NBEAL1: variants seen among roughly 807,000 people sequenced by gnomAD.
NBEAL1 encodes the protein neurobeachin like 1, also known as neurobeachin-like protein 1.
Under a neutral mutation model 351.3 loss-of-function variants are expected in NBEAL1, and 273 were observed. That is an observed-to-expected ratio of 0.78 (90% CI 0.70 to 0.86). The LOEUF is 0.86. Among genes scored for constraint, NBEAL1 ranks in the 40% least tolerant of loss-of-function variants. NBEAL1 has a pLI of 0.00. For synonymous variants in NBEAL1, 1,050 were observed against 1,086.4 expected, an observed-to-expected ratio of 0.97 and a Z score of 0.66; for missense variants, 2,961 against 3,201.3, an observed-to-expected ratio of 0.92 and a Z score of 1.81.
chr2:203,223,975 G>A lies in NBEAL1; in HGVS notation c.*6621G>A, dbSNP rs191803496. On this transcript the variant is annotated 3_prime_UTR_variant, in exon 56 of 56. Coordinates refer to ENST00000683969, the MANE Select transcript of NBEAL1 (RefSeq NM_001378026.1). ...CAGACTTAATTGAAAAACTGTCAGCGTCTGTTTTGTATATAGGGATTAAAG... is the reference window on the plus strand; with the variant it reads ...CAGACTTAATTGAAAAACTGTCAGCATCTGTTTTGTATATAGGGATTAAAG... 1.3e-3 allele frequency among the ~76,000 whole-genome samples: 199 copies of A among 152,076 alleles called. No individual in the cohort carries two copies. The highest frequency in any genetic ancestry group is 6.8e-3 in the Middle Eastern group (2 of 294).
chr2:203,045,689 A>C (rs1486379715), intron 3 of NBEAL1, among the ~76,000 whole-genome samples: 1 of 152,226 alleles, frequency 6.6e-6, no homozygotes, highest in East Asian at 1.9e-4. Context: ...TATGTGCTTC[A>C]GATTTTTCTG....
chr2:203,047,238 CAAA>C (rs761484505), intron 3 of NBEAL1, among the ~76,000 whole-genome samples: 1 of 127,032 alleles, frequency 7.9e-6, no homozygotes, highest in Non-Finnish European at 1.7e-5. Flanking sequence ...AACTCCATCT[CAAA>C]AAAAAAAAAA....
chr2:203,078,204 G>A (rs769794919), intron 8 of NBEAL1, among the ~76,000 whole-genome samples: 1 of 151,968 alleles, frequency 6.6e-6, no homozygotes, highest in Non-Finnish European at 1.5e-5. Flanking sequence ...TCACTCTTCT[G>A]TGTACTTATA....
intron 3 of NBEAL1, among the ~76,000 whole-genome samples, chr2:203,048,404 A>G (rs2061266841): frequency 1.3e-5 from 2 of 148,770 alleles, no homozygotes; most frequent in Admixed American, 6.7e-5. Context: ...AAAAAAATCC[A>G]TGCTTTGTTA....
At chr2:203,206,085 CAG>C (rs368038878) in intron 51 of NBEAL1, among the ~76,000 whole-genome samples, 5 of 152,268 alleles carry the variant, frequency 3.3e-5, no homozygotes, top group South Asian at 4.1e-4. Flanking sequence ...GAAGATGACT[CAG>C]AGAGCAATTT....
chr2:203,188,822 C>T (rs2105768592), intron 45 of NBEAL1, among the ~76,000 whole-genome samples: 1 of 152,274 alleles, frequency 6.6e-6, no homozygotes, highest in South Asian at 2.1e-4. Flanking sequence ...TGATCTCTAA[C>T]ATATTTGTCC....
intron 44 of NBEAL1, among the ~76,000 whole-genome samples, chr2:203,185,723 A>G (rs373364419): frequency 7.2e-5 from 11 of 152,108 alleles, no homozygotes; most frequent in African/African-American, 2.2e-4. Context: ...TCTCCATGTA[A>G]TGTCAGGATA....
rs375424048 is a variant in NBEAL1, at chr2:203,180,483, A to G, written c.6566A>G (p.Tyr2189Cys). 17 of 1,611,246 alleles carry G rather than the reference A, an allele frequency of 1.1e-5. No individual in the cohort carries two copies. Among genetic ancestry groups the G allele is most frequent in the Non-Finnish European group, 1.4e-5 (16 of 1,179,074 alleles). ...DVKELIPEFF[Y>C]FPEFLENQNQ... ...AAAGAACTTATTCCTGAATTCTTCT[A>G]TTTCCCAGAGTTTTTGGAAAATCAA... Residue 2189 changes from tyrosine (Y) to cysteine (C), a missense_variant, in exon 43 of 56, where the codon TAT becomes TGT. Transcript: ENST00000683969.
intron 8 of NBEAL1, among the ~76,000 whole-genome samples, 174 bp from the exon 9 acceptor site, chr2:203,083,045 G>A (rs1432123402): frequency 1.3e-5 from 2 of 152,178 alleles, no homozygotes; most frequent in African/African-American, 2.4e-5. Flanking sequence ...CTGAGAGGAA[G>A]GGAAGATTTA....
At position 203,223,848 on chromosome 2, in the gene NBEAL1, A is replaced by G. The variant is rs1296182696; in HGVS notation, c.*6494A>G. Among the ~76,000 whole-genome samples the G allele has an allele frequency of 1.3e-5, 2 of 152,050 alleles. No homozygotes were observed. Among genetic ancestry groups the G allele is most frequent in the Admixed American group, 1.3e-4 (2 of 15,268 alleles). ...CTTCTCTTTATTTTGAAGGAAAAAG[A>G]TACTTGTCTGTATACGACATAATTG... On this transcript the variant is annotated 3_prime_UTR_variant, in exon 56 of 56. Coordinates refer to ENST00000683969, the MANE Select transcript of NBEAL1 (RefSeq NM_001378026.1).
intron 35 of NBEAL1, among the ~76,000 whole-genome samples, chr2:203,152,876 A>G (rs1222614545): frequency 6.6e-6 from 1 of 151,236 alleles, no homozygotes; most frequent in Non-Finnish European, 1.5e-5. Context: ...TGTCTCTACT[A>G]AAAATACAAA....
At chr2:203,077,940 C>T in intron 8 of NBEAL1, 103 bp downstream of exon 8, 1 of 554,850 alleles carries the variant, frequency 1.8e-6, no homozygotes. Flanking sequence ...TTTCATTCAC[C>T]ATACAAATAT....
At chr2:203,110,027 A>G in intron 14 of NBEAL1, 123 bp from the exon 15 acceptor site, 1 of 954,922 alleles carries the variant, frequency 1.0e-6, no homozygotes, top group Non-Finnish European at 1.5e-6. Flanking sequence ...GTGTGGCAAT[A>G]GAATTTAAGC....
chr2:203,187,533 A>G (rs1423445047), intron 44 of NBEAL1, among the ~76,000 whole-genome samples: 1 of 151,460 alleles, frequency 6.6e-6, no homozygotes, highest in Non-Finnish European at 1.5e-5. Context: ...TGAGGTCAGG[A>G]GTTCAAGACC....
intron 49 of NBEAL1, 66 bp downstream of exon 49, chr2:203,199,513 G>A: frequency 1.4e-6 from 1 of 720,536 alleles, no homozygotes. Context: ...AAAAAAACTA[G>A]ATTAATTGAT....
chr2:203,165,956 T>C (rs1170715401), intron 36 of NBEAL1, among the ~76,000 whole-genome samples, 193 bp from the exon 37 acceptor site: 1 of 152,096 alleles, frequency 6.6e-6, no homozygotes, highest in Admixed American at 6.6e-5. Context: ...GGTGGGAGGA[T>C]TGCTTGAGCC....
Position 203,130,514 on chromosome 2 carries a change from G to A in NBEAL1, c.3564+38G>A, listed in dbSNP as rs149537877. ...CTTAAACATCTTTGTATTTTGAGGC[G>A]TTTGTGGGTATATGAATTTTCTTGC... On this transcript the variant is annotated intron_variant, in intron 25 of 55. Coordinates refer to ENST00000683969, the MANE Select transcript of NBEAL1 (RefSeq NM_001378026.1). The A allele has an allele frequency of 6.6e-4, 877 of 1,320,288 alleles. 8 individuals carry two copies. The African/African-American group carries it at 0.012, about 18-fold the overall frequency. 81.8% of individuals were successfully genotyped at this position (1,320,288 alleles called of 1,614,324 possible).
intron 7 of NBEAL1, among the ~76,000 whole-genome samples, chr2:203,072,423 T>A (rs557994889): frequency 4.5e-4 from 68 of 151,942 alleles, no homozygotes; most frequent in African/African-American, 1.2e-3. Flanking sequence ...TTTTTTTTTT[T>A]AAATTTGGAT....
At chr2:203,110,648 T>C (rs1420478404) in intron 15 of NBEAL1, among the ~76,000 whole-genome samples, 1 of 147,370 alleles carries the variant, frequency 6.8e-6, no homozygotes, top group Non-Finnish European at 1.5e-5. Context: ...TACTCCAGCC[T>C]GGGCAACAGA....
Sources: gnomAD v4.1 joint callset for allele counts (sites outside exome capture counted in the v4.1 genomes callset) on GRCh38, gnomAD v4.1.1 for gene constraint, MANE v1.5 for transcripts, NCBI Gene and HGNC (gene_info 2026-07-23, HGNC 2026-07-21) for gene names.